Variants in CYBRD1 observed in about 807,000 individuals in gnomAD.
CYBRD1 encodes plasma membrane ascorbate-dependent reductase CYBRD1.
CYBRD1 carries 14 observed loss-of-function variants against 21.9 expected under a neutral mutation model. That is an observed-to-expected ratio of 0.64 (90% CI 0.42 to 1.00). The LOEUF (loss-of-function observed/expected upper bound fraction) is 1.00, where lower values mean the gene tolerates loss of function less well. Ranked by LOEUF, CYBRD1 falls within the 50% of genes least tolerant of loss-of-function variation. The probability of loss-of-function intolerance (pLI) is 0.00; values close to 1 mark genes in which losing one functional copy is unlikely to be tolerated. For synonymous variants in CYBRD1, 146 were observed against 136.5 expected, an observed-to-expected ratio of 1.07 and a Z score of -0.48; for missense variants, 328 against 352.5, an observed-to-expected ratio of 0.93 and a Z score of 0.56.
rs1469872581 is a variant in CYBRD1 at position 171,552,249 on chromosome 2, C to T, written c.403-1097C>T. ...AACATCTCATACATGACTGTTGAAT[C>T]CTACCAATGTTTTTCACCATCTGTT... On this transcript the variant is annotated intron_variant, in intron 2 of 3. Coordinates refer to ENST00000321348, the MANE Select transcript of CYBRD1 (RefSeq NM_024843.4). Among the ~76,000 whole-genome samples, 3 of 152,166 alleles carry T rather than the reference C, an allele frequency of 2.0e-5. No homozygotes were observed. The East Asian group carries it at 5.8e-4, about 29-fold the overall frequency.
At chr2:171,534,705 G>A (rs1041161200) in intron 1 of CYBRD1, among the ~76,000 whole-genome samples, 2 of 152,148 alleles carry the variant, frequency 1.3e-5, no homozygotes, top group Non-Finnish European at 2.9e-5. Context: ...AAATCTCTGC[G>A]AGCCACCTAT....
At chr2:171,554,197 C>G (rs950947181) in intron 3 of CYBRD1, among the ~76,000 whole-genome samples, 1 of 152,134 alleles carries the variant, frequency 6.6e-6, no homozygotes, top group African/African-American at 2.4e-5. Context: ...CCTTTTGCTA[C>G]TTAGATGTGG....
At chr2:171,544,531 C>CA (rs768586829) in intron 2 of CYBRD1, among the ~76,000 whole-genome samples, 25 of 151,868 alleles carry the variant, frequency 1.6e-4, no homozygotes, top group Non-Finnish European at 3.1e-4. Context: ...AAAAACAAAC[C>CA]AAAAAAACCC....
intron 1 of CYBRD1, among the ~76,000 whole-genome samples, chr2:171,538,848 AG>A (rs1006569945): frequency 6.6e-6 from 1 of 152,056 alleles, no homozygotes; most frequent in African/African-American, 2.4e-5. Flanking sequence ...CCCAGGCTGG[AG>A]TGCAATGGTG....
intron 2 of CYBRD1, among the ~76,000 whole-genome samples, chr2:171,548,873 G>A (rs1173990536): frequency 6.6e-6 from 1 of 152,056 alleles, no homozygotes; most frequent in Admixed American, 6.5e-5. Context: ...GGGAGGCCAA[G>A]GTGGGAAGAT....
In CYBRD1 at chr2:171,522,512, T is replaced by A. The variant is rs1046851983; in HGVS notation, c.-34T>A. The A allele has an allele frequency of 6.4e-7, 1 of 1,567,534 alleles. No individual in the cohort carries two copies. The highest frequency in any genetic ancestry group is 1.3e-5 in the African/African-American group (1 of 74,272). ...GGGCTGCCGCCGCCTCTCCAAGTTC[T>A]TGTGGCCCCCGCGGTGCGGAGTATG... On this transcript the variant is annotated 5_prime_UTR_variant, in exon 1 of 4. It adds an upstream start codon to the 5' untranslated region. Coordinates refer to ENST00000321348, the MANE Select transcript of CYBRD1 (RefSeq NM_024843.4). This position sits in a 1 kb window ranked among gnomAD's most constrained non-coding sequence, Gnocchi z 4.3.
intron 1 of CYBRD1, among the ~76,000 whole-genome samples, chr2:171,528,098 T>TA (rs1255226455): frequency 2.0e-5 from 3 of 152,038 alleles, no homozygotes; most frequent in Non-Finnish European, 4.4e-5. Context: ...TATTTTATTT[T>TA]TTTTGAGATG....
At chr2:171,537,244 C>T (rs1697558631) in intron 1 of CYBRD1, among the ~76,000 whole-genome samples, 2 of 152,126 alleles carry the variant, frequency 1.3e-5, no homozygotes, top group African/African-American at 4.8e-5. Context: ...TCATATATCG[C>T]ACATTTTTAT....
rs758260372 is a variant in CYBRD1 at position 171,554,860 on chromosome 2, G to A, written c.*33G>A. 5.0e-6 allele frequency: 8 copies of A among 1,607,922 alleles called. No homozygotes were observed. Among genetic ancestry groups the A allele is most frequent in the South Asian group, 4.4e-5 (4 of 90,760 alleles). ...TAGAGATAGAGCCATATAACGTCACGTTTCAAAACTAGCTCTACAGTTTTG... is the reference window on the plus strand; with the variant it reads ...TAGAGATAGAGCCATATAACGTCACATTTCAAAACTAGCTCTACAGTTTTG... On this transcript the variant is annotated 3_prime_UTR_variant, in exon 4 of 4. Transcript: ENST00000321348.
chr2:171,552,255 A>G (rs896035070), intron 2 of CYBRD1, among the ~76,000 whole-genome samples: 3 of 152,198 alleles, frequency 2.0e-5, no homozygotes, highest in African/African-American at 4.8e-5. Flanking sequence ...GAATCCTACC[A>G]ATGTTTTTCA....
intron 2 of CYBRD1, among the ~76,000 whole-genome samples, chr2:171,552,515 A>G (rs907284242): frequency 6.6e-6 from 1 of 152,138 alleles, no homozygotes; most frequent in African/African-American, 2.4e-5. Flanking sequence ...CTCTCTTTTC[A>G]TAATTGTTTT....
At chr2:171,532,543 T>C (rs1697482895) in intron 1 of CYBRD1, among the ~76,000 whole-genome samples, 1 of 152,204 alleles carries the variant, frequency 6.6e-6, no homozygotes, top group Admixed American at 6.5e-5. Flanking sequence ...CTTATGCCTG[T>C]AATTCTAGCA....
intron 2 of CYBRD1, among the ~76,000 whole-genome samples, chr2:171,550,034 C>T (rs969671982): frequency 3.3e-5 from 5 of 152,288 alleles, no homozygotes; most frequent in Admixed American, 2.0e-4. Flanking sequence ...AATACAGATT[C>T]CTGGGCCCTA....
chr2:171,522,806 G>A lies in CYBRD1; in HGVS notation c.193+68G>A. The A allele has an allele frequency of 6.2e-7, 1 of 1,600,662 alleles. No individual in the cohort carries two copies. The highest frequency in any genetic ancestry group is 2.2e-5 in the East Asian group (1 of 44,572). ...GAACGGCGGGGGCAGAGGGTCCTCC[G>A]TGAAGCCCCTTCCAGCTGAGGAAGT... On this transcript the variant is annotated intron_variant, in intron 1 of 3. Transcript: ENST00000321348. This position sits in a 1 kb window ranked among gnomAD's most constrained non-coding sequence, Gnocchi z 4.3.
At chr2:171,533,387 ATACT>A (rs1335915688) in intron 1 of CYBRD1, among the ~76,000 whole-genome samples, 1 of 152,220 alleles carries the variant, frequency 6.6e-6, no homozygotes, top group Admixed American at 6.5e-5. Flanking sequence ...AAACAAAAAC[ATACT>A]TACTGAATTC....
At chr2:171,546,612 C>G (rs1697719443) in intron 2 of CYBRD1, among the ~76,000 whole-genome samples, 1 of 152,170 alleles carries the variant, frequency 6.6e-6, no homozygotes, top group Admixed American at 6.6e-5. Context: ...TTCCACAAGA[C>G]AAATGTGGGC....
intron 1 of CYBRD1, among the ~76,000 whole-genome samples, chr2:171,533,253 G>C (rs766262450): frequency 3.3e-5 from 5 of 152,098 alleles, no homozygotes; most frequent in Admixed American, 6.6e-5. Flanking sequence ...TGTAATCCCA[G>C]CTACTCTGGA....
In CYBRD1 at chr2:171,554,700, C is replaced by A. The variant is rs2105348865; in HGVS notation, c.734C>A (p.Ala245Glu). ...LHPNGGTEQG[A>E]RGSMPAYSGN... The stretch of plus-strand genomic sequence containing the variant: ...CCAAATGGAGGCACTGAACAGGGAG[C>A]AAGAGGTTCCATGCCAGCCTACTCT... The change falls in exon 4 of 4, where the codon GCA becomes GAA. Residue 245 changes from alanine to glutamate, a missense_variant. Transcript: ENST00000321348. 6.2e-7 allele frequency: 1 copy of A among 1,613,950 alleles called. No homozygotes were observed. The highest frequency in any genetic ancestry group is 2.2e-5 in the East Asian group (1 of 44,868).
Position 171,556,600 on chromosome 2 carries a change from A to G in CYBRD1, c.*1773A>G, listed in dbSNP as rs1683492403. ...TGGTACTTACTTCCAAAGACTGAAT[A>G]CAAGCCACACTCCATCATATCCCTT... On this transcript the variant is annotated 3_prime_UTR_variant, in exon 4 of 4. Coordinates refer to ENST00000321348, the MANE Select transcript of CYBRD1 (RefSeq NM_024843.4). 6.6e-6 allele frequency: 1 copy of G among 152,180 alleles called. No homozygotes were observed. Among genetic ancestry groups the G allele is most frequent in the South Asian group, 2.1e-4 (1 of 4,822 alleles). 9.4% of individuals were successfully genotyped at this position (152,180 alleles called of 1,614,324 possible). A position where few individuals can be genotyped will look rare whatever the true frequency, so the allele number is the denominator to read the frequency against.
Sources: gnomAD v4.1 joint callset for allele counts (sites outside exome capture counted in the v4.1 genomes callset) on GRCh38, gnomAD v4.1.1 for gene constraint, Gnocchi (gnomAD v3.1) non-coding constraint, MANE v1.5 for transcripts, NCBI Gene and HGNC (gene_info 2026-07-23, HGNC 2026-07-21) for gene names.